Variants in STK10 observed in about 807,000 individuals in gnomAD.
The protein encoded by STK10 is serine/threonine kinase 10.
Under a neutral mutation model 113.8 loss-of-function variants are expected in STK10, and 78 were observed. The observed-to-expected ratio is 0.69, with a 90% CI of 0.57 to 0.83. STK10 has a LOEUF of 0.83. STK10 is among the 40% of genes least tolerant of loss of function. STK10 has a pLI of 0.00. For missense variants in STK10, 1,109 were observed against 1,280.1 expected (o/e 0.87, Z 2.04); for synonymous variants, 465 against 494.7 (o/e 0.94, Z 0.80).
intron 2 of STK10, among the ~76,000 whole-genome samples, chr5:172,135,741 T>A (rs936658902): frequency 1.3e-5 from 2 of 152,112 alleles, no homozygotes; most frequent in African/African-American, 2.4e-5. Context: ...CAGACTAAGT[T>A]AAAAACTCAA....
At chr5:172,184,277 T>C (rs1012749797) in intron 1 of STK10, among the ~76,000 whole-genome samples, 6 of 152,068 alleles carry the variant, frequency 3.9e-5, no homozygotes, top group Admixed American at 2.6e-4. Flanking sequence ...GTAAAAGCAA[T>C]ACCTACTTCG....
rs957595400 is a variant in STK10, at chr5:172,131,568, T to C, written c.322-4147A>G. ...CCTTTTATTTATTTATTTTTTTGCC[T>C]TGGCTGCTGGGAAGCTCTGGGTTAA... On this transcript the variant is annotated intron_variant, in intron 2 of 18. Transcript: ENST00000176763. Among the ~76,000 whole-genome samples the C allele has an allele frequency of 2.0e-5, 3 of 152,180 alleles. No individual in the cohort carries two copies. The East Asian group carries it at 5.8e-4, about 29-fold the overall frequency.
At chr5:172,171,026 C>T (rs1581189814) in intron 1 of STK10, among the ~76,000 whole-genome samples, 1 of 152,254 alleles carries the variant, frequency 6.6e-6, no homozygotes, top group Admixed American at 6.5e-5. Context: ...ATCTTCACCA[C>T]AACCTTGGGG....
rs190751393 is a variant in STK10, at chr5:172,106,609, C to G, written c.788+11G>C. 1.9e-6 allele frequency: 3 copies of G among 1,609,768 alleles called. No individual in the cohort carries two copies. The highest frequency in any genetic ancestry group is 2.2e-4 in the Middle Eastern group (1 of 4,644). On this transcript the variant is annotated intron_variant, in intron 6 of 18. Coordinates refer to ENST00000176763, the MANE Select transcript of STK10 (RefSeq NM_005990.4). ...GGCACCCCGGCAGGTGGCCCTGCCC[C>G]TGCCCCTCACCACTTAGAGGGCGTG...
At chr5:172,104,727 G>A (rs1182926490) in intron 7 of STK10, among the ~76,000 whole-genome samples, 1 of 152,248 alleles carries the variant, frequency 6.6e-6, no homozygotes, top group South Asian at 2.1e-4. Context: ...ACTAGGAGAG[G>A]GCTCCCACCA....
intron 2 of STK10, among the ~76,000 whole-genome samples, chr5:172,142,484 T>C (rs189145951): frequency 1.8e-4 from 28 of 152,276 alleles, no homozygotes; most frequent in African/African-American, 6.5e-4. Flanking sequence ...GTTAGCAGTT[T>C]AACCTGGGCC....
At chr5:172,125,842 T>G (rs987133619) in intron 3 of STK10, among the ~76,000 whole-genome samples, 3 of 152,254 alleles carry the variant, frequency 2.0e-5, no homozygotes, top group Non-Finnish European at 4.4e-5. Context: ...AAAATATAAG[T>G]AAATATCAAG....
intron 3 of STK10, among the ~76,000 whole-genome samples, chr5:172,121,850 GC>G (rs1186702751): frequency 6.6e-6 from 1 of 151,214 alleles, no homozygotes; most frequent in African/African-American, 2.4e-5. Flanking sequence ...ACAGGCATGG[GC>G]CACTATGCCT....
chr5:172,109,134 G>T (rs905120568), intron 4 of STK10, among the ~76,000 whole-genome samples: 7 of 151,990 alleles, frequency 4.6e-5, no homozygotes, highest in African/African-American at 1.7e-4. Context: ...GGGAGAAGGG[G>T]GATACACAGT....
Position 172,183,304 on chromosome 5 carries a change from C to T in STK10, c.156+4583G>A, listed in dbSNP as rs1422294676. ...CCTGTCCACATTGTGTGCATGAGTA[C>T]CTGTGTTGCCTGCTGCTATCACAGC... On this transcript the variant is annotated intron_variant, in intron 1 of 18. Coordinates refer to ENST00000176763, the MANE Select transcript of STK10 (RefSeq NM_005990.4). Among the ~76,000 whole-genome samples the T allele has an allele frequency of 2.6e-5, 4 of 152,294 alleles. No individual in the cohort carries two copies. In the East Asian group the frequency reaches 7.7e-4, roughly 29 times the overall value.
chr5:172,185,789 G>A (rs965449099), intron 1 of STK10, among the ~76,000 whole-genome samples: 17 of 152,370 alleles, frequency 1.1e-4, no homozygotes, highest in African/African-American at 4.1e-4. Context: ...AGAAGATGCA[G>A]CTCTGAGGAG....
chr5:172,099,607 C>A (rs1768935618), intron 7 of STK10, among the ~76,000 whole-genome samples: 1 of 152,090 alleles, frequency 6.6e-6, no homozygotes, highest in African/African-American at 2.4e-5. Flanking sequence ...CTCCCACATG[C>A]CCCCAGAGCA....
chr5:172,066,097 C>G (rs1768063192), intron 12 of STK10, among the ~76,000 whole-genome samples: 1 of 152,156 alleles, frequency 6.6e-6, no homozygotes, highest in Non-Finnish European at 1.5e-5. Flanking sequence ...CTCTTAAGAG[C>G]ATCTGATGGG....
intron 1 of STK10, among the ~76,000 whole-genome samples, chr5:172,169,782 G>A (rs1162190471): frequency 2.6e-5 from 4 of 152,088 alleles, no homozygotes; most frequent in Admixed American, 1.3e-4. Context: ...CGCTCCCTCC[G>A]ATGTCCCCAT....
At chr5:172,170,739 C>T (rs1265666791) in intron 1 of STK10, among the ~76,000 whole-genome samples, 2 of 152,196 alleles carry the variant, frequency 1.3e-5, no homozygotes, top group Admixed American at 1.3e-4. Context: ...ATGTGGGAGC[C>T]CTCAGATGTT....
intron 2 of STK10, among the ~76,000 whole-genome samples, chr5:172,149,668 C>G (rs1400333598): frequency 1.3e-5 from 2 of 152,144 alleles, no homozygotes; most frequent in African/African-American, 4.8e-5. Flanking sequence ...CCAAAAAGGG[C>G]TGCCCCAGGC....
Position 172,117,582 on chromosome 5 carries a change from T to C in STK10, c.419A>G (p.Gln140Arg). ...CAGGAAGTTGAGGGCTTCTAGCATC[T>C]GGCGGCAAACCACCTGTATCTGGGG... ...TEPQIQVVCR[Q>R]MLEALNFLHS... The change falls in exon 4 of 19, where the codon CAG (glutamine) becomes CGG (arginine). Residue 140 changes from glutamine (Q) to arginine (R), a missense_variant. Gln to Arg is a conservative substitution (Grantham distance 43). Transcript: ENST00000176763. 1 of 1,614,060 alleles carries C rather than the reference T, an allele frequency of 6.2e-7. No homozygotes were observed. The highest frequency in any genetic ancestry group is 8.5e-7 in the Non-Finnish European group (1 of 1,180,026).
intron 5 of STK10, 156 bp from the exon 6 acceptor site, chr5:172,106,970 G>T: frequency 1.5e-6 from 1 of 687,924 alleles, no homozygotes; most frequent in Non-Finnish European, 2.3e-6. Flanking sequence ...TCTTCCTTAG[G>T]ACGCTCTTCC....
chr5:172,057,011 A>AAGAAAG (rs1767815147), intron 15 of STK10: 8 of 137,488 alleles, frequency 5.8e-5, no homozygotes, highest in African/African-American at 1.4e-4. Context: ...GAAGGAAAGA[A>AAGAAAG]AGAAAGAAAG....
Sources: gnomAD v4.1 joint callset for allele counts (sites outside exome capture counted in the v4.1 genomes callset) on GRCh38, gnomAD v4.1.1 for gene constraint, MANE v1.5 for transcripts, NCBI Gene and HGNC (gene_info 2026-07-23, HGNC 2026-07-21) for gene names.